TRDN: variants seen among roughly 807,000 people sequenced by gnomAD.
TRDN encodes the protein triadin.
TRDN carries 161 observed loss-of-function variants against 149.7 expected under a neutral mutation model. The ratio of observed to expected loss-of-function variants is 1.08; its 90% CI spans 0.95 to 1.23. The LOEUF is 1.23. TRDN is among the 50% of genes most tolerant of loss of function. TRDN has a pLI of 0.00. For synonymous variants in TRDN, 294 were observed against 250.5 expected, an observed-to-expected ratio of 1.17 and a Z score of -1.64; for missense variants, 896 against 823.5, an observed-to-expected ratio of 1.09 and a Z score of -1.08.
At chr6:123,565,497 A>G (rs1010015971) in intron 2 of TRDN, among the ~76,000 whole-genome samples, 1 of 152,202 alleles carries the variant, frequency 6.6e-6, no homozygotes, top group African/African-American at 2.4e-5. Flanking sequence ...GTTGTCCTAT[A>G]TGAAGACTTT....
At chr6:123,629,353 A>T (rs1489030275) in intron 1 of TRDN, among the ~76,000 whole-genome samples, 1 of 152,146 alleles carries the variant, frequency 6.6e-6, no homozygotes, top group Non-Finnish European at 1.5e-5. Context: ...TGAAATACTA[A>T]GAGTTTTTCC....
chr6:123,350,642 G>T (rs1421066790), intron 21 of TRDN: 4 of 754,946 alleles, frequency 5.3e-6, no homozygotes, highest in Non-Finnish European at 6.4e-6. Flanking sequence ...TCTATTTTTT[G>T]TATCAGTTAT....
intron 38 of TRDN, among the ~76,000 whole-genome samples, chr6:123,224,890 A>T (rs554887466): frequency 1.3e-5 from 2 of 151,946 alleles, no homozygotes; most frequent in South Asian, 4.1e-4. Context: ...CAAAAGCAAA[A>T]ATAAACGATT....
chr6:123,587,066 T>C (rs1783531283), intron 1 of TRDN, among the ~76,000 whole-genome samples: 2 of 150,702 alleles, frequency 1.3e-5, no homozygotes, highest in Non-Finnish European at 3.0e-5. Flanking sequence ...GAAAAGGGGT[T>C]GGGGGTTTCT....
chr6:123,610,548 G>A (rs1157668134), intron 1 of TRDN, among the ~76,000 whole-genome samples: 1 of 152,156 alleles, frequency 6.6e-6, no homozygotes, highest in Admixed American at 6.6e-5. Context: ...TGGGCCAAGA[G>A]TAAGTGACAG....
intron 1 of TRDN, among the ~76,000 whole-genome samples, chr6:123,588,116 G>A (rs777360129): frequency 1.7e-4 from 26 of 152,178 alleles, no homozygotes; most frequent in Non-Finnish European, 3.1e-4. Flanking sequence ...TAGACTCTCA[G>A]TTACTCTCTC....
At chr6:123,307,153 G>C (rs956109846) in intron 24 of TRDN, among the ~76,000 whole-genome samples, 1 of 151,940 alleles carries the variant, frequency 6.6e-6, no homozygotes, top group African/African-American at 2.4e-5. Context: ...AAATGTTATT[G>C]GTCACCTTTA....
At chr6:123,223,974 G>T in intron 39 of TRDN, 119 bp downstream of exon 39, 2 of 793,380 alleles carry the variant, frequency 2.5e-6, no homozygotes, top group Non-Finnish European at 3.9e-6. Context: ...CCATGTAAAT[G>T]TTGCCTAGAA....
At chr6:123,443,865 T>C (rs1194798162) in intron 10 of TRDN, among the ~76,000 whole-genome samples, 1 of 151,066 alleles carries the variant, frequency 6.6e-6, no homozygotes, top group Non-Finnish European at 1.5e-5. Context: ...CTCTGTTCTG[T>C]TCTATTGATC....
chr6:123,361,201 C>T (rs984511570), intron 20 of TRDN, among the ~76,000 whole-genome samples: 3 of 152,044 alleles, frequency 2.0e-5, no homozygotes, highest in Non-Finnish European at 4.4e-5. Context: ...ACTATGCAGC[C>T]ATAAAAAAAC....
At chr6:123,590,741 C>T (rs772016991) in intron 1 of TRDN, among the ~76,000 whole-genome samples, 170 of 151,862 alleles carry the variant, frequency 1.1e-3, no homozygotes, top group African/African-American at 2.8e-3. Context: ...CCAGCCTGGG[C>T]GAAAGAGTGA....
intron 16 of TRDN, among the ~76,000 whole-genome samples, chr6:123,378,507 A>C (rs1781596488): frequency 6.9e-6 from 1 of 144,878 alleles, no homozygotes. Flanking sequence ...TGTGGAGACA[A>C]AGTCTCACCA....
intron 4 of TRDN, among the ~76,000 whole-genome samples, chr6:123,538,874 TA>T (rs1210986659): frequency 1.3e-5 from 2 of 152,204 alleles, no homozygotes; most frequent in Non-Finnish European, 2.9e-5. Flanking sequence ...TCTCCATCTA[TA>T]AATGAGATAT....
intron 20 of TRDN, among the ~76,000 whole-genome samples, chr6:123,360,720 G>GA (rs1554228119): frequency 7.0e-5 from 10 of 142,984 alleles, no homozygotes; most frequent in African/African-American, 2.0e-4. Flanking sequence ...AGAGAGAGAC[G>GA]GAGAGAGAGA....
intron 38 of TRDN, among the ~76,000 whole-genome samples, chr6:123,249,034 T>A (rs1776284002): frequency 6.6e-6 from 1 of 152,128 alleles, no homozygotes; most frequent in Admixed American, 6.6e-5. Context: ...CAAGTAGGAT[T>A]CATCCCAGGG....
At chr6:123,503,948 CAT>C (rs1450643681) in intron 7 of TRDN, 47 bp from the exon 8 acceptor site, 9 of 1,500,054 alleles carry the variant, frequency 6.0e-6, no homozygotes, top group Non-Finnish European at 6.2e-6. Context: ...TATTTACAAA[CAT>C]AATGTTTCAT....
At chr6:123,627,017 C>T (rs774049811) in intron 1 of TRDN, among the ~76,000 whole-genome samples, 1 of 151,858 alleles carries the variant, frequency 6.6e-6, no homozygotes, top group Non-Finnish European at 1.5e-5. Flanking sequence ...CAGCCTCCAC[C>T]ACCCGGGTTC....
intron 10 of TRDN, among the ~76,000 whole-genome samples, chr6:123,450,040 G>T (rs1047998058): frequency 7.9e-5 from 12 of 152,112 alleles, no homozygotes; most frequent in African/African-American, 2.9e-4. Context: ...CCATTACCAA[G>T]CCACCAGTAC....
chr6:123,448,064 G>A (rs1396444217), intron 10 of TRDN, among the ~76,000 whole-genome samples: 2 of 152,240 alleles, frequency 1.3e-5, no homozygotes, highest in Non-Finnish European at 2.9e-5. Flanking sequence ...CAGGGGCAGA[G>A]GAAGCAGCAG....
Sources: gnomAD v4.1 joint callset for allele counts (sites outside exome capture counted in the v4.1 genomes callset) on GRCh38, gnomAD v4.1.1 for gene constraint, MANE v1.5 for transcripts, NCBI Gene and HGNC (gene_info 2026-07-23, HGNC 2026-07-21) for gene names.